AGBL4: variants seen among roughly 807,000 people sequenced by gnomAD.
The protein encoded by AGBL4 is cytosolic carboxypeptidase 6.
AGBL4 carries 58 observed loss-of-function variants against 66.4 expected under a neutral mutation model. That is an observed-to-expected ratio of 0.87 (90% CI 0.71 to 1.09). The LOEUF is 1.09. AGBL4 is among the 50% of genes least tolerant of loss of function. AGBL4 has a pLI of 0.00. For missense variants in AGBL4, 579 were observed against 631.0 expected (o/e 0.92, Z 0.88); for synonymous variants, 234 against 222.9 (o/e 1.05, Z -0.44).
intron 3 of AGBL4, among the ~76,000 whole-genome samples, chr1:49,435,363 G>A (rs1466073726): frequency 6.6e-6 from 1 of 152,142 alleles, no homozygotes; most frequent in Non-Finnish European, 1.5e-5. Context: ...CAGTAGATAA[G>A]AGCTGTAAGA....
intron 2 of AGBL4, among the ~76,000 whole-genome samples, chr1:49,749,495 T>C (rs1457371302): frequency 1.3e-5 from 2 of 152,200 alleles, no homozygotes; most frequent in Admixed American, 1.3e-4. Context: ...TAGATTTTTC[T>C]ATGTAAAGAA....
At chr1:49,221,023 C>T (rs972077186) in intron 4 of AGBL4, among the ~76,000 whole-genome samples, 6 of 152,046 alleles carry the variant, frequency 3.9e-5, no homozygotes, top group African/African-American at 1.4e-4. Flanking sequence ...AAACCTATTT[C>T]CTGGTCTCCA....
intron 4 of AGBL4, among the ~76,000 whole-genome samples, chr1:49,109,311 G>T (rs543464515): frequency 4.1e-4 from 62 of 152,286 alleles, no homozygotes; most frequent in Non-Finnish European, 8.4e-4. Flanking sequence ...GCACTGGAGT[G>T]CACTGTCTGC....
intron 1 of AGBL4, among the ~76,000 whole-genome samples, chr1:49,862,390 T>C (rs1008374476): frequency 3.4e-5 from 5 of 148,744 alleles, no homozygotes; most frequent in Admixed American, 3.3e-4. Flanking sequence ...CTACAGGATC[T>C]AGAAAATAGC....
At chr1:48,683,312 C>G (rs1646483021) in intron 6 of AGBL4, among the ~76,000 whole-genome samples, 1 of 152,234 alleles carries the variant, frequency 6.6e-6, no homozygotes, top group South Asian at 2.1e-4. Context: ...AACTCTACTT[C>G]TTTCCATTCA....
At chr1:49,989,458 G>T (rs1255223879) in intron 1 of AGBL4, among the ~76,000 whole-genome samples, 4 of 152,190 alleles carry the variant, frequency 2.6e-5, no homozygotes, top group Non-Finnish European at 5.9e-5. Context: ...TAGGCCTGTT[G>T]TGGTAGTTAC....
intron 3 of AGBL4, among the ~76,000 whole-genome samples, chr1:49,483,571 C>G (rs1442573438): frequency 6.6e-6 from 1 of 151,718 alleles, no homozygotes; most frequent in African/African-American, 2.4e-5. Context: ...AAATTAAACC[C>G]CTATCTCTCA....
At chr1:49,090,486 AAT>A (rs1644983599) in intron 4 of AGBL4, among the ~76,000 whole-genome samples, 1 of 152,156 alleles carries the variant, frequency 6.6e-6, no homozygotes, top group Non-Finnish European at 1.5e-5. Flanking sequence ...TCCCATTCAC[AAT>A]AGCCACAAAA....
rs1412017039 is a variant in AGBL4 at position 49,160,566 on chromosome 1, A to G, written c.377+85204T>C. ...GAGGAGGCAGTCTGACCCTTAGCAG[A>G]GTTCGAACACTGTGCTGGGAGATCC... On this transcript the variant is annotated intron_variant, in intron 4 of 13. Coordinates refer to ENST00000371839, the MANE Select transcript of AGBL4 (RefSeq NM_032785.4). 2.0e-5 allele frequency among the ~76,000 whole-genome samples: 3 copies of G among 152,228 alleles called. No individual in the cohort carries two copies. In the East Asian group the frequency reaches 5.8e-4, roughly 30 times the overall value.
intron 5 of AGBL4, among the ~76,000 whole-genome samples, chr1:48,987,143 A>T (rs1374786536): frequency 1.3e-5 from 2 of 151,960 alleles, no homozygotes; most frequent in Admixed American, 6.6e-5. Flanking sequence ...CAAAGAAGGA[A>T]AAAAAAGAGA....
At chr1:49,989,861 G>A (rs768125730) in intron 1 of AGBL4, among the ~76,000 whole-genome samples, 18 of 152,106 alleles carry the variant, frequency 1.2e-4, no homozygotes, top group Admixed American at 1.3e-4. Flanking sequence ...TACAGTAGCT[G>A]TACAGTATAA....
chr1:48,968,429 G>C (rs1365218889), intron 5 of AGBL4, among the ~76,000 whole-genome samples: 3 of 152,132 alleles, frequency 2.0e-5, no homozygotes, highest in African/African-American at 7.2e-5. Context: ...AGACTGCAGA[G>C]GGCAGTGGGG....
At chr1:49,912,753 T>C (rs1392558383) in intron 1 of AGBL4, among the ~76,000 whole-genome samples, 1 of 152,148 alleles carries the variant, frequency 6.6e-6, no homozygotes, top group Non-Finnish European at 1.5e-5. Flanking sequence ...AAAAAACACC[T>C]TATTTGGCTC....
At chr1:49,031,464 A>T (rs1383730451) in intron 5 of AGBL4, among the ~76,000 whole-genome samples, 2 of 152,146 alleles carry the variant, frequency 1.3e-5, no homozygotes, top group Non-Finnish European at 2.9e-5. Flanking sequence ...TGAAAAGACA[A>T]CCTACAAGAT....
At chr1:49,976,409 A>T (rs1658562303) in intron 1 of AGBL4, among the ~76,000 whole-genome samples, 2 of 152,196 alleles carry the variant, frequency 1.3e-5, no homozygotes, top group Admixed American at 1.3e-4. Flanking sequence ...CACTAGATAG[A>T]TATTGATAAA....
At chr1:49,706,252 C>T (rs1344663041) in intron 2 of AGBL4, among the ~76,000 whole-genome samples, 2 of 151,976 alleles carry the variant, frequency 1.3e-5, no homozygotes, top group African/African-American at 4.8e-5. Context: ...ATTCAGGGAT[C>T]TGACTTCTTC....
chr1:48,687,057 G>A (rs1450125870), intron 6 of AGBL4, among the ~76,000 whole-genome samples: 3 of 151,376 alleles, frequency 2.0e-5, no homozygotes, highest in African/African-American at 7.3e-5. Context: ...AACACAGAGG[G>A]GCAGGGGGTG....
intron 1 of AGBL4, among the ~76,000 whole-genome samples, chr1:49,942,671 C>T (rs1396960785): frequency 1.3e-5 from 2 of 152,084 alleles, no homozygotes; most frequent in Non-Finnish European, 2.9e-5. Context: ...CATACGTACA[C>T]AAAAATCAAC....
chr1:48,730,416 C>A (rs541017070), intron 6 of AGBL4, among the ~76,000 whole-genome samples: 3 of 152,274 alleles, frequency 2.0e-5, no homozygotes, highest in African/African-American at 7.2e-5. Context: ...AGTAGCATTT[C>A]AAACCAGAGA....
Sources: gnomAD v4.1 joint callset for allele counts (sites outside exome capture counted in the v4.1 genomes callset) on GRCh38, gnomAD v4.1.1 for gene constraint, MANE v1.5 for transcripts, NCBI Gene and HGNC (gene_info 2026-07-23, HGNC 2026-07-21) for gene names.